The following INPP5D variants were observed in gnomAD, a reference collection of about 807,000 sequenced individuals.
INPP5D encodes phosphatidylinositol 3,4,5-trisphosphate 5-phosphatase 1.
A neutral mutation model predicts 122.9 loss-of-function variants in INPP5D; 33 were observed. That is an observed-to-expected ratio of 0.27 (90% CI 0.20 to 0.36). The LOEUF (loss-of-function observed/expected upper bound fraction) is 0.36, where lower values mean the gene tolerates loss of function less well. Among genes scored for constraint, INPP5D ranks in the 10% least tolerant of loss-of-function variants. INPP5D has a pLI of 1.00. For synonymous variants in INPP5D, 584 were observed against 576.2 expected, an observed-to-expected ratio of 1.01 and a Z score of -0.19; for missense variants, 1,053 against 1,412.7, an observed-to-expected ratio of 0.75 and a Z score of 4.08.
At chr2:233,146,109 C>T (rs916903570) in intron 6 of INPP5D, 53 bp from the exon 7 acceptor site, 5 of 703,930 alleles carry the variant, frequency 7.1e-6, no homozygotes, top group African/African-American at 5.2e-5. Context: ...CATTGCCTCT[C>T]GATGGTTCAG....
At position 233,195,544 on chromosome 2, in the gene INPP5D, C is replaced by T. The variant is rs541401276; in HGVS notation, c.2693+49C>T. The T allele has an allele frequency of 2.5e-6, 4 of 1,611,184 alleles. No individual in the cohort carries two copies. In the East Asian group the frequency reaches 6.7e-5, roughly 27 times the overall value. On this transcript the variant is annotated intron_variant, in intron 24 of 26. Coordinates refer to ENST00000445964, the MANE Select transcript of INPP5D (RefSeq NM_001017915.3). ...TTGGGGGGGGTGGATATCAGGGACT[C>T]ATGACAAATTAGCATGGTTTGGCCG...
chr2:233,109,343 C>G (rs74530494), intron 2 of INPP5D, among the ~76,000 whole-genome samples: 2,600 of 152,312 alleles, frequency 0.017, 59 homozygotes, highest in African/African-American at 0.055. Context: ...AGTGCTTGTC[C>G]TGGGCTGCTG....
chr2:233,091,429 CA>C (rs1252526719), intron 2 of INPP5D, among the ~76,000 whole-genome samples: 2 of 152,208 alleles, frequency 1.3e-5, no homozygotes, highest in African/African-American at 4.8e-5. Flanking sequence ...AAGGTGTTGG[CA>C]GAGCTGAGCT....
At position 233,204,177 on chromosome 2, in the gene INPP5D, G is replaced by T; in HGVS notation, c.3027G>T (p.Leu1009=). The change falls in exon 26 of 27, where the codon CTG becomes CTT. Residue 1009 remains leucine, a synonymous_variant. Coordinates refer to ENST00000445964, the MANE Select transcript of INPP5D (RefSeq NM_001017915.3). ...GGGACACGCTGCCTCAGGAGGACCT[G>T]CCGCTGACGAAGCCCGAGATGTTTG... ...NAGDTLPQED[L]PLTKPEMFEN... 4.4e-6 allele frequency: 7 copies of T among 1,604,902 alleles called. No individual in the cohort carries two copies. The highest frequency in any genetic ancestry group is 6.0e-6 in the Non-Finnish European group (7 of 1,176,074).
chr2:233,156,774 CT>C (rs1485181857), intron 9 of INPP5D, among the ~76,000 whole-genome samples: 1 of 152,202 alleles, frequency 6.6e-6, no homozygotes, highest in Non-Finnish European at 1.5e-5. Context: ...AGATTACAGA[CT>C]CCCAAAAGGA....
At chr2:233,145,433 G>T (rs900252496) in intron 6 of INPP5D, among the ~76,000 whole-genome samples, 1 of 152,226 alleles carries the variant, frequency 6.6e-6, no homozygotes, top group Non-Finnish European at 1.5e-5. Flanking sequence ...CAGCAGGGAA[G>T]ACAAACAATG....
intron 6 of INPP5D, among the ~76,000 whole-genome samples, chr2:233,144,378 T>TAGTAGTGATGGTGATGGTGGAGGTGGG (rs1693695318): frequency 7.2e-6 from 1 of 139,370 alleles, no homozygotes; most frequent in Non-Finnish European, 1.6e-5. Context: ...GTGGAGGTGG[T>TAGTAGTGATGGTGATGGTGGAGGTGGG]CATGATCACG....
chr2:233,163,363 G>C (rs1694244552), intron 11 of INPP5D, among the ~76,000 whole-genome samples: 1 of 152,210 alleles, frequency 6.6e-6, no homozygotes, highest in South Asian at 2.1e-4. Context: ...TCCCTTGGCT[G>C]TCTTGAGAAT....
intron 2 of INPP5D, among the ~76,000 whole-genome samples, chr2:233,117,621 G>A (rs527858482): frequency 5.2e-4 from 77 of 147,244 alleles, no homozygotes; most frequent in African/African-American, 1.8e-3. Context: ...CTATGAGTTC[G>A]GGGGGGCTGT....
intron 2 of INPP5D, among the ~76,000 whole-genome samples, chr2:233,092,482 T>A (rs1692018656): frequency 6.6e-6 from 1 of 152,126 alleles, no homozygotes; most frequent in Non-Finnish European, 1.5e-5. Flanking sequence ...ACATAATGAT[T>A]AGGGCAGGTT....
At position 233,164,485 on chromosome 2, in the gene INPP5D, A is replaced by C. The variant is rs1017822322; in HGVS notation, c.1555+61A>C. On this transcript the variant is annotated intron_variant, in intron 13 of 26. Coordinates refer to ENST00000445964, the MANE Select transcript of INPP5D (RefSeq NM_001017915.3). The surrounding 1 kb of genome is among the most constrained non-coding windows in gnomAD (Gnocchi z 4.3). Reference sequence around the variant, plus strand: ...CCTCTGCCTCAACTCTCGCGACCACATCATCCTGATCCCACCAGTAGTTCC... The same window carrying C: ...CCTCTGCCTCAACTCTCGCGACCACCTCATCCTGATCCCACCAGTAGTTCC... 2.7e-6 allele frequency: 4 copies of C among 1,468,036 alleles called. No individual in the cohort carries two copies. In the Admixed American group the frequency reaches 8.7e-5, roughly 32 times the overall value. 90.9% of individuals were successfully genotyped at this position (1,468,036 alleles called of 1,614,324 possible).
chr2:233,154,209 C>T (rs1232558951), intron 9 of INPP5D, among the ~76,000 whole-genome samples: 1 of 152,122 alleles, frequency 6.6e-6, no homozygotes, highest in African/African-American at 2.4e-5. Context: ...AGTGCAATGG[C>T]GCGATCTCAG....
intron 5 of INPP5D, 39 bp from the exon 6 acceptor site, chr2:233,139,803 C>T: frequency 2.5e-6 from 1 of 398,452 alleles, no homozygotes. Flanking sequence ...TTTCCGGTGC[C>T]CACTAATCCT....
intron 9 of INPP5D, among the ~76,000 whole-genome samples, chr2:233,153,843 A>G (rs1416860882): frequency 1.3e-5 from 2 of 152,222 alleles, no homozygotes; most frequent in Non-Finnish European, 2.9e-5. Flanking sequence ...TCACTTGCTG[A>G]GTGCTGAGAC....
rs753350216 is a variant in INPP5D at position 233,060,455 on chromosome 2, C to T, written c.-24C>T. The T allele has an allele frequency of 7.0e-6, 11 of 1,578,640 alleles. No homozygotes were observed. The highest frequency in any genetic ancestry group is 4.6e-5 in the East Asian group (2 of 43,152). ...TGGGTCCTGGGGGTGCCTGCCGGCC[C>T]GGCCGAGGAGGCCCACGCCCACCAT... is the stretch of plus-strand genomic sequence containing the variant. On this transcript the variant is annotated 5_prime_UTR_variant, in exon 1 of 27. Coordinates refer to ENST00000445964, the MANE Select transcript of INPP5D (RefSeq NM_001017915.3).
chr2:233,182,603 A>C (rs560721685), intron 19 of INPP5D, 104 bp downstream of exon 19: 4 of 1,523,194 alleles, frequency 2.6e-6, no homozygotes, highest in Admixed American at 1.9e-5. Context: ...AGGAAGGCTC[A>C]TTTTCCCAGG....
chr2:233,196,099 A>G (rs1321929232), intron 24 of INPP5D, among the ~76,000 whole-genome samples: 1 of 152,198 alleles, frequency 6.6e-6, no homozygotes, highest in African/African-American at 2.4e-5. Context: ...ACTCCAGCTT[A>G]GGCGACAGAG....
intron 2 of INPP5D, among the ~76,000 whole-genome samples, chr2:233,114,954 G>A (rs1430269441): frequency 6.6e-6 from 1 of 151,436 alleles, no homozygotes; most frequent in Non-Finnish European, 1.5e-5. Context: ...CACAACCTCT[G>A]CCTCCCAGGT....
chr2:233,158,913 C>T (rs962384260), intron 10 of INPP5D, among the ~76,000 whole-genome samples: 15 of 152,116 alleles, frequency 9.9e-5, no homozygotes, highest in African/African-American at 3.1e-4. Context: ...TGAGGTGAGA[C>T]AAGTAGCTGA....
Sources: gnomAD v4.1 joint callset for allele counts (sites outside exome capture counted in the v4.1 genomes callset) on GRCh38, gnomAD v4.1.1 for gene constraint, Gnocchi (gnomAD v3.1) non-coding constraint, MANE v1.5 for transcripts, NCBI Gene and HGNC (gene_info 2026-07-23, HGNC 2026-07-21) for gene names.